The following PCNT variants were observed in gnomAD, a reference collection of about 807,000 sequenced individuals.
PCNT encodes kendrin.
In PCNT, 319 loss-of-function variants were observed where a neutral mutation model predicts 380.4. The observed-to-expected ratio is 0.84, with a 90% CI of 0.77 to 0.92. The LOEUF (loss-of-function observed/expected upper bound fraction) is 0.92, where lower values mean the gene tolerates loss of function less well. PCNT is among the 40% of genes least tolerant of loss of function. The pLI is 0.00. For missense variants in PCNT, 4,400 were observed against 4,255.3 expected (o/e 1.03, Z -0.95); for synonymous variants, 1,845 against 1,735.2 (o/e 1.06, Z -1.57).
intron 46 of PCNT, 30 bp downstream of exon 46, chr21:46,444,851 A>G: frequency 6.2e-7 from 1 of 1,607,664 alleles, no homozygotes. Flanking sequence ...AGTATTTATT[A>G]AGCTGATTAT....
chr21:46,412,425 C>T (rs1273369849), intron 28 of PCNT, among the ~76,000 whole-genome samples: 11 of 152,206 alleles, frequency 7.2e-5, no homozygotes, highest in Non-Finnish European at 1.5e-4. Context: ...GTTTGTCTGT[C>T]GATGAGCAGT....
chr21:46,360,929 A>C (rs2084692524), intron 13 of PCNT, among the ~76,000 whole-genome samples: 1 of 152,038 alleles, frequency 6.6e-6, no homozygotes, highest in Non-Finnish European at 1.5e-5. Context: ...CTTCCGTTTC[A>C]CTGTTCATTT....
At position 46,416,372 on chromosome 21, in the gene PCNT, G is replaced by T; in HGVS notation, c.6454G>T (p.Ala2152Ser). The change falls in exon 30 of 47, where the codon GCC becomes TCC. Residue 2152 changes from alanine to serine, a missense_variant. Transcript: ENST00000359568. ...IKNQAIDACDANTTPGGVTDV... is the reference protein window; with the variant it reads ...IKNQAIDACDSNTTPGGVTDV... ...AAATCAGGCCATAGACGCGTGTGAT[G>T]CCAATACAACCCCAGGGGGTGTAAC... 1 of 1,614,110 alleles carries T rather than the reference G, an allele frequency of 6.2e-7. No homozygotes were observed. The highest frequency in any genetic ancestry group is 8.5e-7 in the Non-Finnish European group (1 of 1,179,980).
intron 27 of PCNT, among the ~76,000 whole-genome samples, chr21:46,407,702 T>C (rs1569264243): frequency 6.6e-6 from 1 of 152,234 alleles, no homozygotes; most frequent in African/African-American, 2.4e-5. Flanking sequence ...TGCCATTGAA[T>C]ATCTGCAGGT....
intron 43 of PCNT, 144 bp downstream of exon 43, chr21:46,441,228 A>G (rs1417559364): frequency 1.4e-6 from 1 of 692,012 alleles, no homozygotes; most frequent in Non-Finnish European, 2.6e-6. Flanking sequence ...GGCCTTAGAG[A>G]AAATACAGAT....
intron 24 of PCNT, among the ~76,000 whole-genome samples, chr21:46,398,921 G>A (rs975786700): frequency 2.0e-5 from 3 of 147,638 alleles, no homozygotes; most frequent in Non-Finnish European, 4.4e-5. Context: ...CCGGGTTCAC[G>A]CCATTCTCCT....
chr21:46,403,780 C>T (rs540136016), intron 27 of PCNT, among the ~76,000 whole-genome samples: 4 of 124,290 alleles, frequency 3.2e-5, no homozygotes, highest in African/African-American at 1.3e-4. Flanking sequence ...ATGAACACAG[C>T]GTGGGAGAAT....
chr21:46,445,531 T>C lies in PCNT; in HGVS notation c.*204T>C. 1 of 615,322 alleles carries C rather than the reference T, an allele frequency of 1.6e-6. No homozygotes were observed. The highest frequency in any genetic ancestry group is 2.9e-6 in the Non-Finnish European group (1 of 343,876). The allele number at this position is 615,322 out of a possible 1,614,324, so 38.1% of individuals were successfully genotyped here. On this transcript the variant is annotated 3_prime_UTR_variant, in exon 47 of 47. Transcript: ENST00000359568. ...GAGCATTTTCTATGGAGCCTCCGTA[T>C]GTTTTAGGCCCATGACCTTCGTGAG...
chr21:46,334,054 A>C (rs569417415), intron 2 of PCNT, among the ~76,000 whole-genome samples: 25 of 151,910 alleles, frequency 1.6e-4, no homozygotes, highest in African/African-American at 5.8e-4. Context: ...AAAATACAAA[A>C]ATTAGCTGGG....
chr21:46,355,593 T>A lies in PCNT; in HGVS notation c.1903T>A (p.Trp635Arg). The change falls in exon 12 of 47, where the codon TGG becomes AGG. Residue 635 changes from tryptophan (W) to arginine (R), a missense_variant. Transcript: ENST00000359568. ...AGAGACTTCAGCATTGGGACACGAG[T>A]GGCGTCTGGAACCCTCTGAAGGGCA... Reference protein sequence around the residue: ...CVETSALGHEWRLEPSEGHSQ... With the variant: ...CVETSALGHERRLEPSEGHSQ... 6.2e-7 allele frequency: 1 copy of A among 1,613,862 alleles called. No homozygotes were observed. The highest frequency in any genetic ancestry group is 1.7e-5 in the Admixed American group (1 of 60,016).
At chr21:46,436,929 T>A (rs1306743686) in intron 39 of PCNT, 50 bp from the exon 40 acceptor site, 1 of 1,298,506 alleles carries the variant, frequency 7.7e-7, no homozygotes, top group Non-Finnish European at 1.1e-6. Flanking sequence ...TTTTGCATAA[T>A]GGTCACTTGG....
At chr21:46,327,217 C>A (rs899550978) in intron 2 of PCNT, among the ~76,000 whole-genome samples, 1 of 151,706 alleles carries the variant, frequency 6.6e-6, no homozygotes, top group Non-Finnish European at 1.5e-5. Flanking sequence ...CCCGCCACCA[C>A]GCCCGGCTAG....
At chr21:46,437,621 G>A (rs2148055365) in intron 40 of PCNT, among the ~76,000 whole-genome samples, 1 of 152,374 alleles carries the variant, frequency 6.6e-6, no homozygotes, top group East Asian at 1.9e-4. Flanking sequence ...GAATCTGGCT[G>A]CTGGTATAAA....
intron 3 of PCNT, among the ~76,000 whole-genome samples, chr21:46,338,883 G>T (rs60455426): frequency 6.6e-6 from 1 of 151,662 alleles, no homozygotes; most frequent in African/African-American, 2.4e-5. Context: ...CAGGCTCAAG[G>T]GGTTCTCCCG....
intron 15 of PCNT, among the ~76,000 whole-genome samples, chr21:46,370,153 A>G (rs1167750514): frequency 6.6e-6 from 1 of 151,646 alleles, no homozygotes; most frequent in East Asian, 1.9e-4. Flanking sequence ...TCTGTGCTCA[A>G]AGAGTGCAGC....
At position 46,324,241 on chromosome 21, in the gene PCNT, C is replaced by G. The variant is rs1207618662; in HGVS notation, c.13C>G (p.Gln5Glu). MEVE[Q>E]EQRRRKVEAG... is the part of the protein sequence containing the mutation. ...GAGTCTGAGGGAGATGGAAGTTGAG[C>G]AAGAGCAGCGGCGCAGAAAGGTGGA... Residue 5 changes from glutamine (Q) to glutamate (E), a missense_variant, in exon 1 of 47, where the codon CAA becomes GAA. Transcript: ENST00000359568. 2.5e-6 allele frequency: 4 copies of G among 1,612,040 alleles called. No individual in the cohort carries two copies. The highest frequency in any genetic ancestry group is 3.3e-5 in the Admixed American group (2 of 59,836).
At chr21:46,402,295 A>G in intron 26 of PCNT, 36 bp from the exon 27 acceptor site, 1 of 1,377,950 alleles carries the variant, frequency 7.3e-7, no homozygotes, top group Non-Finnish European at 1.0e-6. Context: ...ATATTAGATG[A>G]CTTTTAATAC....
At chr21:46,397,216 C>T (rs1205999017) in intron 21 of PCNT, 49 bp from the exon 22 acceptor site, 1 of 1,423,898 alleles carries the variant, frequency 7.0e-7, no homozygotes, top group African/African-American at 1.4e-5. Flanking sequence ...CATGCACCAG[C>T]CTCTGAGGTG....
Position 46,425,978 on chromosome 21 carries a change from T to G in PCNT, c.7320+7T>G. Reference sequence around the variant, plus strand: ...CCATGGGGGAAAGACGCAGGTTTATTTTGCCCTTCACACACTTCTTTTCCA... The same window carrying G: ...CCATGGGGGAAAGACGCAGGTTTATGTTGCCCTTCACACACTTCTTTTCCA... On this transcript the variant is annotated splice_region_variant and intron_variant, in intron 33 of 46. Coordinates refer to ENST00000359568, the MANE Select transcript of PCNT (RefSeq NM_006031.6). The surrounding 1 kb of genome is among the most constrained non-coding windows in gnomAD (Gnocchi z 4.2). 3 of 1,614,030 alleles carry G rather than the reference T, an allele frequency of 1.9e-6. No homozygotes were observed. Among genetic ancestry groups the G allele is most frequent in the Non-Finnish European group, 2.5e-6 (3 of 1,180,000 alleles).
Sources: allele counts gnomAD v4.1 joint callset (sites outside exome capture counted in the v4.1 genomes callset), GRCh38; gene constraint gnomAD v4.1.1; non-coding constraint Gnocchi (gnomAD v3.1); transcripts MANE v1.5; gene names NCBI Gene and HGNC (gene_info 2026-07-23, HGNC 2026-07-21).